KCNAB2: variants seen among roughly 807,000 people sequenced by gnomAD.
The protein encoded by KCNAB2 is voltage-gated potassium channel subunit beta-2.
A neutral mutation model predicts 63.6 loss-of-function variants in KCNAB2; 29 were observed. The ratio of observed to expected loss-of-function variants is 0.46; its 90% CI spans 0.34 to 0.62. KCNAB2 has a LOEUF of 0.62. Among genes scored for constraint, KCNAB2 ranks in the 20% least tolerant of loss-of-function variants. The pLI is 0.01. For synonymous variants in KCNAB2, 222 were observed against 224.2 expected (o/e 0.99, Z 0.09); for missense variants, 359 against 563.9 (o/e 0.64, Z 3.68).
chr1:6,013,668 G>A (rs551488406), intron 1 of KCNAB2, among the ~76,000 whole-genome samples: 5 of 152,124 alleles, frequency 3.3e-5, no homozygotes, highest in South Asian at 2.1e-4. Context: ...CCTACACCCC[G>A]CATCTGTCCG....
At chr1:6,091,899 C>T (rs1665219808) in intron 10 of KCNAB2, among the ~76,000 whole-genome samples, 2 of 152,200 alleles carry the variant, frequency 1.3e-5, no homozygotes, top group African/African-American at 4.8e-5. Context: ...AATCATTTTC[C>T]TCCTGAAAGA....
At chr1:6,022,166 T>C (rs1031591326) in intron 1 of KCNAB2, among the ~76,000 whole-genome samples, 1 of 151,792 alleles carries the variant, frequency 6.6e-6, no homozygotes, top group Non-Finnish European at 1.5e-5. Context: ...TTCAGTGGTA[T>C]TGAGTGTCTA....
chr1:6,017,787 T>TC (rs1209200583), intron 1 of KCNAB2, among the ~76,000 whole-genome samples: 3 of 141,304 alleles, frequency 2.1e-5, no homozygotes, highest in African/African-American at 8.1e-5. Flanking sequence ...CAAGACTGTC[T>TC]CAAAAAAAAA....
upstream of KCNAB2, among the ~76,000 whole-genome samples, chr1:6,044,417 T>C (rs1660752880): frequency 6.6e-6 from 1 of 152,108 alleles, no homozygotes; most frequent in Non-Finnish European, 1.5e-5. Flanking sequence ...ATCTGGTCCT[T>C]GAAGGCTGGG....
chr1:6,005,777 TC>T (rs1244232989), intron 1 of KCNAB2, among the ~76,000 whole-genome samples: 2 of 151,872 alleles, frequency 1.3e-5, no homozygotes, highest in Non-Finnish European at 2.9e-5. Flanking sequence ...GATGGGGGTC[TC>T]CCTGCCCAGG....
rs1663031134 is a variant in KCNAB2, at chr1:6,069,609, G to A, written c.219-3146G>A. Reference sequence around the variant, plus strand: ...TTCAACGATGGGGAAGAAATCGGTAGAAAATGATCTCTGTGTCTGGGAAGT... The same window carrying A: ...TTCAACGATGGGGAAGAAATCGGTAAAAAATGATCTCTGTGTCTGGGAAGT... On this transcript the variant is annotated intron_variant, in intron 2 of 15. Transcript: ENST00000378083. This position sits in a 1 kb window ranked among gnomAD's most constrained non-coding sequence, Gnocchi z 5.4. Among the ~76,000 whole-genome samples, 1 of 152,236 alleles carries A rather than the reference G, an allele frequency of 6.6e-6. No homozygotes were observed. Among genetic ancestry groups the A allele is most frequent in the African/African-American group, 2.4e-5 (1 of 41,464 alleles).
Position 5,994,331 on chromosome 1 carries a change from C to T in KCNAB2, c.-53+1543C>T, listed in dbSNP as rs903343800. On this transcript the variant is annotated intron_variant, in intron 1 of 16. Transcript: ENST00000341524. This position sits in a 1 kb window ranked among gnomAD's most constrained non-coding sequence, Gnocchi z 5.4. Reference sequence around the variant, plus strand: ...GCCCACCTGATTCTCGCCTGGCGGCCGTGTCTGCTGCAGAGCCCTGTGCAG... The same window carrying T: ...GCCCACCTGATTCTCGCCTGGCGGCTGTGTCTGCTGCAGAGCCCTGTGCAG... Among the ~76,000 whole-genome samples, 23 of 152,206 alleles carry T rather than the reference C, an allele frequency of 1.5e-4. No homozygotes were observed. The highest frequency in any genetic ancestry group is 4.8e-4 in the African/African-American group (20 of 41,422).
intron 1 of KCNAB2, among the ~76,000 whole-genome samples, chr1:6,009,431 A>T (rs114686455): frequency 0.026 from 3,884 of 152,280 alleles, 170 homozygotes; most frequent in African/African-American, 0.088. Flanking sequence ...ATGTGTATGC[A>T]CACACCTGCA....
chr1:6,081,910 T>A (rs1381045150), intron 4 of KCNAB2, among the ~76,000 whole-genome samples: 1 of 152,264 alleles, frequency 6.6e-6, no homozygotes, highest in African/African-American at 2.4e-5. Flanking sequence ...AGCCCTGTGA[T>A]GACCCCAACT....
At chr1:6,065,043 G>A (rs548499208) in intron 2 of KCNAB2, among the ~76,000 whole-genome samples, 29 of 152,290 alleles carry the variant, frequency 1.9e-4, no homozygotes, top group East Asian at 1.2e-3. Flanking sequence ...CCATCAAGAC[G>A]CAGTGGCTTC....
At chr1:6,064,775 G>T (rs1434431986) in intron 2 of KCNAB2, among the ~76,000 whole-genome samples, 1 of 152,194 alleles carries the variant, frequency 6.6e-6, no homozygotes, top group Non-Finnish European at 1.5e-5. Flanking sequence ...CAGGACAAGA[G>T]GGGGCCCAGA....
chr1:6,078,273 C>T lies in KCNAB2; in HGVS notation c.301-3922C>T, dbSNP rs1396668187. 6.6e-6 allele frequency among the ~76,000 whole-genome samples: 1 copy of T among 152,230 alleles called. No individual in the cohort carries two copies. The highest frequency in any genetic ancestry group is 1.5e-5 in the Non-Finnish European group (1 of 68,034). ...AGGTCACCTGTGATGGCACTGAGGG[C>T]CCACTTAGCTAAGCCAGGACATTCT... On this transcript the variant is annotated intron_variant, in intron 4 of 15. Coordinates refer to ENST00000378083, the MANE Select transcript of KCNAB2 (RefSeq NM_001199862.2). The surrounding 1 kb of genome is among the most constrained non-coding windows in gnomAD (Gnocchi z 4.2).
chr1:6,081,947 C>A (rs1263963088), intron 4 of KCNAB2, among the ~76,000 whole-genome samples: 2 of 152,208 alleles, frequency 1.3e-5, no homozygotes, highest in Non-Finnish European at 2.9e-5. Flanking sequence ...TCAAGAAATT[C>A]ACAGTCCTTG....
chr1:6,044,854 G>A (rs1054170774), upstream of KCNAB2, among the ~76,000 whole-genome samples: 6 of 152,156 alleles, frequency 3.9e-5, no homozygotes, highest in Admixed American at 2.0e-4. Flanking sequence ...CAGAAGCCAC[G>A]TCCACAGGGC....
chr1:6,041,619 G>GC, upstream of KCNAB2: 1 of 575,108 alleles, frequency 1.7e-6, no homozygotes, highest in Non-Finnish European at 3.1e-6. Flanking sequence ...CCGGGTCTCT[G>GC]CCCCGTGGCC....
In KCNAB2 at chr1:6,086,467, G is replaced by A. The variant is rs1405355605; in HGVS notation, c.426-1000G>A. 1.1e-5 allele frequency: 9 copies of A among 818,154 alleles called. No homozygotes were observed. The highest frequency in any genetic ancestry group is 1.2e-4 in the East Asian group (1 of 8,074). The allele number at this position is 818,154 out of a possible 1,614,324, so 50.7% of individuals were successfully genotyped here. A position where few individuals can be genotyped will look rare whatever the true frequency, so the allele number is the denominator to read the frequency against. Reference sequence around the variant, plus strand: ...CTGCCTCTGCCAGAGCTCTGTGGCCGATGCTTCGGGGCAGAGGAGGCCTCC... The same window carrying A: ...CTGCCTCTGCCAGAGCTCTGTGGCCAATGCTTCGGGGCAGAGGAGGCCTCC... On this transcript the variant is annotated intron_variant, in intron 6 of 15. Transcript: ENST00000378083. The surrounding 1 kb of genome is among the most constrained non-coding windows in gnomAD (Gnocchi z 4.2).
chr1:6,098,244 G>A, intron 15 of KCNAB2: 1 of 1,319,012 alleles, frequency 7.6e-7, no homozygotes. Flanking sequence ...CTTCAGGAAG[G>A]TTCTAGGGCA....
chr1:6,079,577 G>A (rs1337389129), intron 4 of KCNAB2, among the ~76,000 whole-genome samples: 1 of 151,986 alleles, frequency 6.6e-6, no homozygotes, highest in East Asian at 1.9e-4. Context: ...CCCCTTGGAT[G>A]AACCTTGAAC....
intron 1 of KCNAB2, among the ~76,000 whole-genome samples, 183 bp from the exon 2 acceptor site, chr1:6,051,328 G>C (rs1028915065): frequency 1.3e-5 from 2 of 152,250 alleles, no homozygotes; most frequent in African/African-American, 4.8e-5. Context: ...TTTGCGGACT[G>C]AGAATCTCAT....
Sources: gnomAD v4.1 joint callset for allele counts (sites outside exome capture counted in the v4.1 genomes callset) on GRCh38, gnomAD v4.1.1 for gene constraint, Gnocchi (gnomAD v3.1) non-coding constraint, MANE v1.5 for transcripts, NCBI Gene and HGNC (gene_info 2026-07-23, HGNC 2026-07-21) for gene names.